The following CYRIA variants were observed in gnomAD, a reference collection of about 807,000 sequenced individuals.
The protein encoded by CYRIA is CYFIP-related Rac1 interactor A.
Under a neutral mutation model 43.9 loss-of-function variants are expected in CYRIA, and 15 were observed. The ratio of observed to expected loss-of-function variants is 0.34; its 90% CI spans 0.23 to 0.53. The LOEUF is 0.53. Among genes scored for constraint, CYRIA ranks in the 20% least tolerant of loss-of-function variants. CYRIA has a pLI of 0.94. For synonymous variants in CYRIA, 117 were observed against 136.0 expected (o/e 0.86, Z 0.97); for missense variants, 236 against 394.2 (o/e 0.60, Z 3.40).
chr2:16,624,013 T>G lies in CYRIA; in HGVS notation c.-160A>C, dbSNP rs1442825908. 6.6e-6 allele frequency: 1 copy of G among 152,218 alleles called. No homozygotes were observed. Among genetic ancestry groups the G allele is most frequent in the Non-Finnish European group, 1.5e-5 (1 of 68,050 alleles). The allele number at this position is 152,218 out of a possible 1,614,324, so 9.4% of individuals were successfully genotyped here. A position where few individuals can be genotyped will look rare whatever the true frequency, so the allele number is the denominator to read the frequency against. ...AGCTTTTCTGTCCTTAAGATGGTGG[T>G]ACCCTGCTAAAAAGGGAATGCAAGT... On this transcript the variant is annotated 5_prime_UTR_variant, in exon 2 of 12. Transcript: ENST00000381323.
Position 16,650,379 on chromosome 2 carries a change from C to T in CYRIA, c.-167+15401G>A, listed in dbSNP as rs562590634. ...AGCTGAATGAGTATATAGTATAAAA[C>T]AAGACTGACTCACTTCAATATAAAA... On this transcript the variant is annotated intron_variant, in intron 1 of 11. Transcript: ENST00000381323. This position sits in a 1 kb window ranked among gnomAD's most constrained non-coding sequence, Gnocchi z 4.1. 6.6e-6 allele frequency among the ~76,000 whole-genome samples: 1 copy of T among 152,136 alleles called. No individual in the cohort carries two copies. The highest frequency in any genetic ancestry group is 1.5e-5 in the Non-Finnish European group (1 of 68,030).
intron 3 of CYRIA, among the ~76,000 whole-genome samples, chr2:16,574,464 A>G (rs1212485301): frequency 1.3e-5 from 2 of 152,374 alleles, no homozygotes; most frequent in African/African-American, 2.4e-5. Flanking sequence ...AATTGCCAAG[A>G]CAACAATGGG....
At chr2:16,610,530 A>G (rs1000844425) in intron 2 of CYRIA, among the ~76,000 whole-genome samples, 1 of 152,170 alleles carries the variant, frequency 6.6e-6, no homozygotes, top group African/African-American at 2.4e-5. Flanking sequence ...AATTGTTGAC[A>G]TTCTCATTGT....
At chr2:16,626,200 C>G in intron 1 of CYRIA, among the ~76,000 whole-genome samples, 1 of 152,094 alleles carries the variant, frequency 6.6e-6, no homozygotes, top group East Asian at 1.9e-4. Context: ...TTCATAGACC[C>G]CTGATGGGCA....
chr2:16,604,516 G>A (rs910917222), intron 2 of CYRIA, among the ~76,000 whole-genome samples: 11 of 152,172 alleles, frequency 7.2e-5, no homozygotes, highest in African/African-American at 2.2e-4. Flanking sequence ...ACAGAACCCC[G>A]TTTACAACAT....
chr2:16,566,636 C>T (rs956928868), intron 3 of CYRIA, among the ~76,000 whole-genome samples: 4 of 152,178 alleles, frequency 2.6e-5, no homozygotes, highest in Non-Finnish European at 4.4e-5. Context: ...AAGTGACACA[C>T]TGAAGCTTCC....
chr2:16,562,799 C>G (rs1426710320), intron 5 of CYRIA, among the ~76,000 whole-genome samples: 1 of 152,128 alleles, frequency 6.6e-6, no homozygotes, highest in East Asian at 1.9e-4. Flanking sequence ...CGGTCCATTA[C>G]TTGTGTTTTG....
intron 2 of CYRIA, among the ~76,000 whole-genome samples, chr2:16,592,690 C>G (rs1667969858): frequency 6.6e-6 from 1 of 152,080 alleles, no homozygotes; most frequent in Non-Finnish European, 1.5e-5. Context: ...TGACTCAGCT[C>G]ATTCTCAAAT....
intron 1 of CYRIA, among the ~76,000 whole-genome samples, chr2:16,631,102 A>AAC (rs1183321102): frequency 3.3e-5 from 5 of 152,326 alleles, no homozygotes; most frequent in African/African-American, 1.2e-4. Context: ...CCTCAGATAC[A>AAC]ACACCTGTTA....
At chr2:16,584,456 C>G (rs1318174102) in intron 3 of CYRIA, among the ~76,000 whole-genome samples, 1 of 152,188 alleles carries the variant, frequency 6.6e-6, no homozygotes, top group Non-Finnish European at 1.5e-5. Context: ...AGTCTGACCT[C>G]TCTCATGGAT....
chr2:16,642,643 C>T (rs1669708271), intron 1 of CYRIA, among the ~76,000 whole-genome samples: 1 of 152,180 alleles, frequency 6.6e-6, no homozygotes, highest in Admixed American at 6.5e-5. Flanking sequence ...AGGGTGGACC[C>T]CCAGGACCTT....
At chr2:16,575,682 C>T (rs1157778422) in intron 3 of CYRIA, among the ~76,000 whole-genome samples, 3 of 151,876 alleles carry the variant, frequency 2.0e-5, no homozygotes, top group South Asian at 2.1e-4. Flanking sequence ...GGTGAAACCC[C>T]GTCTCTACTA....
At chr2:16,575,671 C>T (rs942968155) in intron 3 of CYRIA, among the ~76,000 whole-genome samples, 17 of 151,832 alleles carry the variant, frequency 1.1e-4, no homozygotes, top group South Asian at 4.2e-4. Context: ...CTGGCTAACA[C>T]GGTGAAACCC....
intron 1 of CYRIA, among the ~76,000 whole-genome samples, chr2:16,662,461 A>C (rs1442026404): frequency 2.0e-5 from 3 of 152,232 alleles, no homozygotes. Flanking sequence ...ACCTTCAACC[A>C]CAGTTAAGAC....
chr2:16,660,596 A>G (rs1341709119), intron 1 of CYRIA, among the ~76,000 whole-genome samples: 4 of 152,224 alleles, frequency 2.6e-5, no homozygotes, highest in African/African-American at 9.6e-5. Flanking sequence ...TCCTAGCACA[A>G]CACAGAGCAA....
intron 1 of CYRIA, among the ~76,000 whole-genome samples, chr2:16,658,512 C>T (rs1670172365): frequency 6.6e-6 from 1 of 152,188 alleles, no homozygotes; most frequent in Non-Finnish European, 1.5e-5. Flanking sequence ...AAGGAAAGGG[C>T]CAAGATTCCA....
intron 1 of CYRIA, among the ~76,000 whole-genome samples, chr2:16,646,863 TAGA>T (rs1434064663): frequency 6.6e-6 from 1 of 152,188 alleles, no homozygotes; most frequent in Non-Finnish European, 1.5e-5. Flanking sequence ...GTCTTTAAGC[TAGA>T]AGATGAGTCC....
chr2:16,657,606 C>T (rs149088217), intron 1 of CYRIA, among the ~76,000 whole-genome samples: 1,560 of 151,988 alleles, frequency 0.01, 22 homozygotes, highest in South Asian at 0.019. Context: ...TGTCACCATA[C>T]CCTCTAATAT....
intron 1 of CYRIA, among the ~76,000 whole-genome samples, chr2:16,631,760 G>C (rs9306896): frequency 0.036 from 5,444 of 152,272 alleles, 271 homozygotes; most frequent in African/African-American, 0.11. Flanking sequence ...TTGACTATCA[G>C]ATGTAACGGT....
Sources: gnomAD v4.1 joint callset for allele counts (sites outside exome capture counted in the v4.1 genomes callset) on GRCh38, gnomAD v4.1.1 for gene constraint, Gnocchi (gnomAD v3.1) non-coding constraint, MANE v1.5 for transcripts, NCBI Gene and HGNC (gene_info 2026-07-23, HGNC 2026-07-21) for gene names.